The following ARHGAP12 variants were observed in gnomAD, a reference collection of about 807,000 sequenced individuals.
ARHGAP12 encodes Rho GTPase activating protein 12.
A neutral mutation model predicts 108.6 loss-of-function variants in ARHGAP12; 64 were observed. The observed-to-expected ratio is 0.59, with a 90% CI of 0.48 to 0.73. The LOEUF (loss-of-function observed/expected upper bound fraction) is 0.73, where lower values mean the gene tolerates loss of function less well. Ranked by LOEUF, ARHGAP12 falls within the 30% of genes least tolerant of loss-of-function variation. The pLI is 0.00. For missense variants in ARHGAP12, 940 were observed against 1,005.9 expected, an observed-to-expected ratio of 0.93 and a Z score of 0.89; for synonymous variants, 312 against 337.2, an observed-to-expected ratio of 0.93 and a Z score of 0.82.
At chr10:31,907,475 T>A (rs963205399) in intron 3 of ARHGAP12, among the ~76,000 whole-genome samples, 18 of 45,530 alleles carry the variant, frequency 4.0e-4, no homozygotes, top group East Asian at 1.6e-3. Context: ...AAAAAAAAAT[T>A]TTTTTTTAAT....
chr10:31,920,464 A>AAAT (rs1554792343), intron 1 of ARHGAP12, among the ~76,000 whole-genome samples: 1 of 151,096 alleles, frequency 6.6e-6, no homozygotes, highest in Non-Finnish European at 1.5e-5. Flanking sequence ...AAAAAAAAAA[A>AAAT]AAAAAAAGAA....
chr10:31,870,450 G>A (rs920359896), intron 3 of ARHGAP12, among the ~76,000 whole-genome samples: 2 of 151,970 alleles, frequency 1.3e-5, no homozygotes, highest in African/African-American at 2.4e-5. Flanking sequence ...GGCTGGTCTC[G>A]AGCTCCCAAC....
At chr10:31,824,533 T>C (rs1234657878) in intron 11 of ARHGAP12, among the ~76,000 whole-genome samples, 1 of 152,130 alleles carries the variant, frequency 6.6e-6, no homozygotes, top group African/African-American at 2.4e-5. Context: ...CCTTTGTCAG[T>C]ATTAGTTTTA....
At chr10:31,835,254 T>C (rs1405796084) in intron 9 of ARHGAP12, among the ~76,000 whole-genome samples, 2 of 151,958 alleles carry the variant, frequency 1.3e-5, no homozygotes, top group Non-Finnish European at 2.9e-5. Flanking sequence ...TCATACTATT[T>C]AGTATACTTT....
intron 3 of ARHGAP12, among the ~76,000 whole-genome samples, chr10:31,890,544 A>G (rs1838381001): frequency 6.6e-6 from 1 of 152,172 alleles, no homozygotes; most frequent in Admixed American, 6.5e-5. Context: ...AGTCTACGGT[A>G]AGACTGGGCT....
At chr10:31,923,666 A>G (rs1030982517) in intron 1 of ARHGAP12, among the ~76,000 whole-genome samples, 17 of 152,224 alleles carry the variant, frequency 1.1e-4, no homozygotes, top group African/African-American at 4.1e-4. Context: ...TTGAGTGAAG[A>G]AAAATCCAGA....
At chr10:31,869,454 G>A (rs189015326) in intron 3 of ARHGAP12, among the ~76,000 whole-genome samples, 291 of 152,040 alleles carry the variant, frequency 1.9e-3, no homozygotes, top group Admixed American at 5.0e-3. Flanking sequence ...GGAGAATTGC[G>A]TGAACCTGGG....
chr10:31,883,867 A>T (rs1173416727), intron 3 of ARHGAP12, among the ~76,000 whole-genome samples: 1 of 151,998 alleles, frequency 6.6e-6, no homozygotes, highest in Non-Finnish European at 1.5e-5. Flanking sequence ...ACAAGCCCCA[A>T]TGCCCAGCTA....
Position 31,861,456 on chromosome 10 carries a change from G to C in ARHGAP12, c.887C>G (p.Pro296Arg), listed in dbSNP as rs1215612202. The change falls in exon 4 of 20, where the codon CCT becomes CGT. Residue 296 changes from proline (P) to arginine (R), a missense_variant. Coordinates refer to ENST00000344936, the MANE Select transcript of ARHGAP12 (RefSeq NM_018287.7). ...RGTQERTWKP[P>R]RWTRDASISK... The stretch of plus-strand genomic sequence containing the variant: ...GATGCTTGCATCCCGAGTCCAACGA[G>C]GAGGTTTCCAAGTTCTTTCCTGTGT... The C allele has an allele frequency of 1.9e-6, 3 of 1,614,032 alleles. No homozygotes were observed. Among genetic ancestry groups the C allele is most frequent in the Non-Finnish European group, 2.5e-6 (3 of 1,180,018 alleles).
intron 4 of ARHGAP12, among the ~76,000 whole-genome samples, chr10:31,859,349 G>A (rs1837021891): frequency 6.6e-6 from 1 of 152,190 alleles, no homozygotes; most frequent in Non-Finnish European, 1.5e-5. Flanking sequence ...AAGAGGGGCT[G>A]ACCCAGATAT....
chr10:31,881,449 C>T (rs1245051558), intron 3 of ARHGAP12, among the ~76,000 whole-genome samples: 2 of 152,138 alleles, frequency 1.3e-5, no homozygotes. Flanking sequence ...TTGCTTACTG[C>T]CTTAAAAGTC....
intron 1 of ARHGAP12, among the ~76,000 whole-genome samples, chr10:31,914,095 T>C (rs571333727): frequency 3.3e-4 from 50 of 152,320 alleles, no homozygotes; most frequent in African/African-American, 1.1e-3. Flanking sequence ...TACCACTCTG[T>C]AATTGCAAAA....
At chr10:31,866,429 C>G (rs1837324763) in intron 3 of ARHGAP12, among the ~76,000 whole-genome samples, 2 of 151,970 alleles carry the variant, frequency 1.3e-5, no homozygotes, top group South Asian at 4.1e-4. Context: ...TTGAGAGAAA[C>G]AAACAAGGTG....
intron 3 of ARHGAP12, among the ~76,000 whole-genome samples, chr10:31,896,668 C>T (rs1467971742): frequency 6.6e-6 from 1 of 152,034 alleles, no homozygotes; most frequent in Non-Finnish European, 1.5e-5. Flanking sequence ...ATAAACCATA[C>T]AAAAACATCT....
At chr10:31,928,377 G>A (rs371718886) in intron 1 of ARHGAP12, among the ~76,000 whole-genome samples, 39 of 151,930 alleles carry the variant, frequency 2.6e-4, no homozygotes, top group African/African-American at 9.2e-4. Context: ...AGGAAGTCAG[G>A]AAACCCAGGG....
intron 3 of ARHGAP12, among the ~76,000 whole-genome samples, chr10:31,869,404 G>A (rs1233640780): frequency 2.0e-5 from 3 of 152,050 alleles, no homozygotes; most frequent in African/African-American, 4.8e-5. Flanking sequence ...AGGTGTGGTG[G>A]TGGGCGCCTG....
At chr10:31,839,265 G>C (rs1483928989) in intron 9 of ARHGAP12, 40 bp downstream of exon 9, 1 of 1,572,108 alleles carries the variant, frequency 6.4e-7, no homozygotes, top group Non-Finnish European at 8.7e-7. Context: ...AGAAAATGAA[G>C]GTGTCTATGC....
intron 3 of ARHGAP12, among the ~76,000 whole-genome samples, chr10:31,894,561 A>G (rs909109683): frequency 1.5e-4 from 23 of 152,342 alleles, no homozygotes; most frequent in Admixed American, 1.0e-3. Context: ...GGACCTCTTC[A>G]AGGAGAACTA....
At position 31,807,763 on chromosome 10, in the gene ARHGAP12, T is replaced by A. The variant is rs1215199220; in HGVS notation, c.2436A>T (p.Leu812=). 2 of 1,608,150 alleles carry A rather than the reference T, an allele frequency of 1.2e-6. No individual in the cohort carries two copies. The highest frequency in any genetic ancestry group is 1.7e-6 in the Non-Finnish European group (2 of 1,177,584). Residue 812 remains leucine, a synonymous_variant, in exon 20 of 20, where the codon CTA becomes CTT. Coordinates refer to ENST00000344936, the MANE Select transcript of ARHGAP12 (RefSeq NM_018287.7). Reference sequence around the variant, plus strand: ...TACCAGTCTCTTTTTCTGGTTTTAATAGAGTGGGACCAAAAACAATTGCTA... The same window carrying A: ...TACCAGTCTCTTTTTCTGGTTTTAAAAGAGTGGGACCAAAAACAATTGCTA... ...QSIAIVFGPT[L]LKPEKETGNI...
Sources: gnomAD v4.1 joint callset for allele counts (sites outside exome capture counted in the v4.1 genomes callset) on GRCh38, gnomAD v4.1.1 for gene constraint, MANE v1.5 for transcripts, NCBI Gene and HGNC (gene_info 2026-07-23, HGNC 2026-07-21) for gene names.